Variants in ROR2 observed in about 807,000 individuals in gnomAD.
ROR2 encodes the protein ROR family WNT receptor 2, also known as tyrosine-protein kinase transmembrane receptor ROR2.
A neutral mutation model predicts 74.9 loss-of-function variants in ROR2; 33 were observed. The observed-to-expected ratio is 0.44, with a 90% confidence interval of 0.33 to 0.59. The LOEUF is 0.59. Among genes scored for constraint, ROR2 ranks in the 20% least tolerant of loss-of-function variants. The pLI is 0.02. For synonymous variants in ROR2, 586 were observed against 558.7 expected (o/e 1.05, Z -0.69); for missense variants, 1,216 against 1,313.8 (o/e 0.93, Z 1.15).
At chr9:91,830,674 T>C (rs1357519284) in intron 1 of ROR2, among the ~76,000 whole-genome samples, 1 of 129,254 alleles carries the variant, frequency 7.7e-6, no homozygotes, top group African/African-American at 3.4e-5. Flanking sequence ...TTCGAGTTTA[T>C]TTTGCAGCCA....
chr9:91,887,336 C>G (rs1226470828), intron 1 of ROR2: 1 of 152,180 alleles, frequency 6.6e-6, no homozygotes, highest in African/African-American at 2.4e-5. Flanking sequence ...ACCCACAATC[C>G]TGAGTTTATA....
chr9:91,871,652 T>C (rs989482553), intron 1 of ROR2, among the ~76,000 whole-genome samples: 3 of 152,168 alleles, frequency 2.0e-5, no homozygotes, highest in African/African-American at 2.4e-5. Flanking sequence ...TGTGATTGCT[T>C]TGACCCCCAG....
At chr9:91,826,823 A>G (rs997727110) in intron 1 of ROR2, among the ~76,000 whole-genome samples, 3 of 151,912 alleles carry the variant, frequency 2.0e-5, no homozygotes, top group Admixed American at 2.0e-4. Context: ...AAAGAATGTG[A>G]TCTTTTGTAA....
At chr9:91,909,918 A>G (rs1830931732) in intron 1 of ROR2, among the ~76,000 whole-genome samples, 1 of 119,958 alleles carries the variant, frequency 8.3e-6, no homozygotes, top group African/African-American at 3.2e-5. Context: ...GCTGAAGTGC[A>G]GTGGCGCAAT....
At chr9:91,836,362 A>G (rs1828609948) in intron 1 of ROR2, among the ~76,000 whole-genome samples, 1 of 152,158 alleles carries the variant, frequency 6.6e-6, no homozygotes, top group Non-Finnish European at 1.5e-5. Context: ...CAACATGGTG[A>G]AACCCCCTTT....
chr9:91,866,670 T>C (rs1242670947), intron 1 of ROR2, among the ~76,000 whole-genome samples: 1 of 152,122 alleles, frequency 6.6e-6, no homozygotes, highest in Non-Finnish European at 1.5e-5. Flanking sequence ...ACCAGACATA[T>C]GGGGCTACTA....
At chr9:91,914,529 T>C (rs1234104362) in intron 1 of ROR2, among the ~76,000 whole-genome samples, 1 of 152,184 alleles carries the variant, frequency 6.6e-6, no homozygotes, top group African/African-American at 2.4e-5. Flanking sequence ...GGGTTGTGAA[T>C]GAGCTTTCCA....
intron 2 of ROR2, among the ~76,000 whole-genome samples, chr9:91,760,350 T>A (rs1564257425): frequency 6.6e-6 from 1 of 152,210 alleles, no homozygotes; most frequent in African/African-American, 2.4e-5. Flanking sequence ...AAAACAACTG[T>A]GGGCTAGGTG....
At chr9:91,768,068 A>G (rs1826115240) in intron 2 of ROR2, among the ~76,000 whole-genome samples, 1 of 152,178 alleles carries the variant, frequency 6.6e-6, no homozygotes, top group Admixed American at 6.5e-5. Context: ...AGATGGAGTG[A>G]TGCCGCCACA....
chr9:91,883,899 C>A (rs567271964), intron 1 of ROR2, among the ~76,000 whole-genome samples: 71 of 152,292 alleles, frequency 4.7e-4, no homozygotes, highest in African/African-American at 1.7e-3. Flanking sequence ...CTACCCAGGG[C>A]CCCTATCTAG....
chr9:91,915,850 T>G (rs577674176), intron 1 of ROR2, among the ~76,000 whole-genome samples: 44 of 152,322 alleles, frequency 2.9e-4, no homozygotes, highest in African/African-American at 1.0e-3. Flanking sequence ...AGATACAGAA[T>G]GCTGATTAGT....
chr9:91,916,628 C>G (rs888764648), intron 1 of ROR2, among the ~76,000 whole-genome samples: 1 of 152,094 alleles, frequency 6.6e-6, no homozygotes, highest in Non-Finnish European at 1.5e-5. Context: ...CGGTTTTTTC[C>G]TTATGGTAAT....
At chr9:91,918,177 A>G (rs1261970448) in intron 1 of ROR2, among the ~76,000 whole-genome samples, 6 of 151,812 alleles carry the variant, frequency 4.0e-5, no homozygotes, top group Admixed American at 3.9e-4. Flanking sequence ...CTGAGGCAGG[A>G]GAATGGTGTG....
chr9:91,888,319 C>T (rs1345362932), intron 1 of ROR2, among the ~76,000 whole-genome samples: 1 of 152,152 alleles, frequency 6.6e-6, no homozygotes, highest in Non-Finnish European at 1.5e-5. Flanking sequence ...GATTTAAAGA[C>T]TTAAAGGTAC....
chr9:91,819,070 A>G (rs1318532880), intron 1 of ROR2, among the ~76,000 whole-genome samples: 1 of 152,142 alleles, frequency 6.6e-6, no homozygotes, highest in Non-Finnish European at 1.5e-5. Flanking sequence ...TCCCAGCCAG[A>G]AGCCTGGTGG....
chr9:91,723,800 C>G lies in ROR2; in HGVS notation c.2694G>C (p.Gln898His), dbSNP rs141070315. The change falls in exon 9 of 9, where the codon CAG (glutamine) becomes CAC (histidine). Residue 898 changes from glutamine (Q) to histidine (H), a missense_variant. Physicochemically the swap from Gln to His is conservative, Grantham distance 24. Coordinates refer to ENST00000375708, the MANE Select transcript of ROR2 (RefSeq NM_004560.4). ...TCTGGGCCCCATCTTCTGGGGCGTT[C>G]TGTGTGTCATCAGCGCCCTCTGAGA... ...ALLSEGADDTQNAPEDGAQST... is the reference protein window; with the variant it reads ...ALLSEGADDTHNAPEDGAQST... The G allele has an allele frequency of 9.4e-5, 151 of 1,613,778 alleles. No homozygotes were observed. Among genetic ancestry groups the G allele is most frequent in the African/African-American group, 4.1e-4 (31 of 74,916 alleles).
At chr9:91,766,380 T>G (rs945513837) in intron 2 of ROR2, among the ~76,000 whole-genome samples, 5 of 152,244 alleles carry the variant, frequency 3.3e-5, no homozygotes, top group African/African-American at 1.2e-4. Flanking sequence ...CTGCTTCCTT[T>G]CCATTCCTGG....
rs563912175 is a variant in ROR2, at chr9:91,850,247, A to G, written c.98-74429T>C. Among the ~76,000 whole-genome samples the G allele has an allele frequency of 5.7e-5, 8 of 140,872 alleles. No homozygotes were observed. In the Admixed American group the frequency reaches 6.6e-4, roughly 12 times the overall value. 92.4% of individuals were successfully genotyped at this position (140,872 alleles called of 152,430 possible). ...AACCCTGCTAATATAGTTAGAAATCATAACTTATGTTATTTTATGTTTCCT... is the reference window on the plus strand; with the variant it reads ...AACCCTGCTAATATAGTTAGAAATCGTAACTTATGTTATTTTATGTTTCCT... On this transcript the variant is annotated intron_variant, in intron 1 of 8. Coordinates refer to ENST00000375708, the MANE Select transcript of ROR2 (RefSeq NM_004560.4).
intron 1 of ROR2, among the ~76,000 whole-genome samples, chr9:91,942,666 T>G (rs1831905867): frequency 6.6e-6 from 1 of 152,102 alleles, no homozygotes; most frequent in Admixed American, 6.5e-5. Flanking sequence ...TTTCCAGTAG[T>G]AATAAGGAAC....
Sources: allele counts gnomAD v4.1 joint callset (sites outside exome capture counted in the v4.1 genomes callset), GRCh38; gene constraint gnomAD v4.1.1; transcripts MANE v1.5; gene names NCBI Gene and HGNC (gene_info 2026-07-23, HGNC 2026-07-21).